PROS1: variants seen among roughly 807,000 people sequenced by gnomAD.
PROS1 encodes the protein protein S.
A neutral mutation model predicts 75.9 loss-of-function variants in PROS1; 29 were observed. That is an observed-to-expected ratio of 0.38 (90% CI 0.28 to 0.52). PROS1 has a LOEUF of 0.52. Among genes scored for constraint, PROS1 ranks in the 20% least tolerant of loss-of-function variants. PROS1 has a pLI of 0.83. For synonymous variants in PROS1, 245 were observed against 280.6 expected, an observed-to-expected ratio of 0.87 and a Z score of 1.27; for missense variants, 680 against 810.3, an observed-to-expected ratio of 0.84 and a Z score of 1.95.
At position 93,973,822 on chromosome 3, in the gene PROS1, A is replaced by C. The variant is rs1167931435; in HGVS notation, c.-73T>G. On this transcript the variant is annotated 5_prime_UTR_variant, in exon 1 of 15. Coordinates refer to ENST00000394236, the MANE Select transcript of PROS1 (RefSeq NM_000313.4). ...GGGACCGGAGCGCTAGGCGCCGCGG[A>C]GCTGCGAGCCTGTGCGCCTCGGTCT... 8 of 1,349,240 alleles carry C rather than the reference A, an allele frequency of 5.9e-6. No individual in the cohort carries two copies. The highest frequency in any genetic ancestry group is 8.1e-6 in the Non-Finnish European group (8 of 983,106). 83.6% of individuals were successfully genotyped at this position (1,349,240 alleles called of 1,614,324 possible).
intron 1 of PROS1, among the ~76,000 whole-genome samples, chr3:93,933,505 G>A (rs1440956402): frequency 6.6e-6 from 1 of 151,786 alleles, no homozygotes; most frequent in Non-Finnish European, 1.5e-5. Context: ...AGCCCAGAAG[G>A]TTGAGGTACA....
At chr3:93,965,318 C>T (rs1402388031) in intron 1 of PROS1, among the ~76,000 whole-genome samples, 1 of 152,232 alleles carries the variant, frequency 6.6e-6, no homozygotes, top group African/African-American at 2.4e-5. Context: ...TGCTGACTCC[C>T]ATCCCTCCGG....
At chr3:93,944,352 T>C (rs1709344301) in intron 1 of PROS1, among the ~76,000 whole-genome samples, 1 of 151,784 alleles carries the variant, frequency 6.6e-6, no homozygotes, top group Non-Finnish European at 1.5e-5. Context: ...TTGAGAAAAA[T>C]CAACAAAATA....
At chr3:93,946,453 C>G (rs1248902933) in intron 1 of PROS1, among the ~76,000 whole-genome samples, 2 of 152,150 alleles carry the variant, frequency 1.3e-5, no homozygotes, top group Non-Finnish European at 2.9e-5. Context: ...GGTACCAAAA[C>G]AGAGATATAG....
At chr3:93,893,149 T>C (rs2107150383) in intron 9 of PROS1, 27 bp from the exon 10 acceptor site, 1 of 1,577,702 alleles carries the variant, frequency 6.3e-7, no homozygotes, top group African/African-American at 1.3e-5. Context: ...GAGAGATCCT[T>C]AAGAGTAAGA....
chr3:93,876,437 A>G (rs1343779604), intron 14 of PROS1, among the ~76,000 whole-genome samples: 1 of 151,818 alleles, frequency 6.6e-6, no homozygotes, highest in Non-Finnish European at 1.5e-5. Context: ...AAATACAAAA[A>G]GATTAGCCGG....
chr3:93,942,784 C>A (rs184699119), intron 1 of PROS1, among the ~76,000 whole-genome samples: 1 of 152,324 alleles, frequency 6.6e-6, no homozygotes, highest in Non-Finnish European at 1.5e-5. Context: ...GGAAATCTAT[C>A]CTCAAGGAAA....
chr3:93,964,169 T>A (rs1185069241), intron 1 of PROS1, among the ~76,000 whole-genome samples: 2 of 152,182 alleles, frequency 1.3e-5, no homozygotes, highest in Non-Finnish European at 2.9e-5. Context: ...TTGAACAATA[T>A]GAAATCAGTG....
At chr3:93,916,673 C>T (rs532867652) in intron 3 of PROS1, among the ~76,000 whole-genome samples, 39 of 152,130 alleles carry the variant, frequency 2.6e-4, no homozygotes, top group Admixed American at 2.2e-3. Context: ...TAAACTGATG[C>T]GGAAGCTCCC....
At chr3:93,972,309 C>T (rs1709892286) in intron 1 of PROS1, among the ~76,000 whole-genome samples, 3 of 152,178 alleles carry the variant, frequency 2.0e-5, no homozygotes, top group African/African-American at 7.2e-5. Context: ...GCAATTGTAG[C>T]TGTTTAATGT....
rs527577389 is a variant in PROS1 at position 93,935,400 on chromosome 3, C to T, written c.77-7993G>A. ...CATCATGCACCAAGAAGTTACTGCACAGAAAATGTTTTGTTTTTGTTCTAT... is the reference window on the plus strand; with the variant it reads ...CATCATGCACCAAGAAGTTACTGCATAGAAAATGTTTTGTTTTTGTTCTAT... On this transcript the variant is annotated intron_variant, in intron 1 of 14. Transcript: ENST00000394236. Among the ~76,000 whole-genome samples, 5 of 152,244 alleles carry T rather than the reference C, an allele frequency of 3.3e-5. No individual in the cohort carries two copies. The South Asian group carries it at 6.2e-4, about 19-fold the overall frequency.
intron 6 of PROS1, among the ~76,000 whole-genome samples, chr3:93,904,076 T>G (rs1234372992): frequency 6.6e-6 from 1 of 151,390 alleles, no homozygotes; most frequent in Admixed American, 6.6e-5. Flanking sequence ...TTTGGTTTTT[T>G]GTTCTTGCGA....
At chr3:93,893,194 T>A in intron 9 of PROS1, 72 bp from the exon 10 acceptor site, 1 of 1,341,860 alleles carries the variant, frequency 7.5e-7, no homozygotes, top group South Asian at 1.2e-5. Context: ...TCTTTTTTTC[T>A]TGTACTGACA....
intron 1 of PROS1, among the ~76,000 whole-genome samples, chr3:93,941,769 G>A (rs184072180): frequency 8.5e-5 from 13 of 152,270 alleles, no homozygotes; most frequent in East Asian, 1.9e-4. Flanking sequence ...TCATGCCTCC[G>A]TGCGGCAGCT....
chr3:93,900,918 A>G lies in PROS1; in HGVS notation c.613T>C (p.Cys205Arg), dbSNP rs755841990. The G allele has an allele frequency of 1.2e-6, 2 of 1,613,944 alleles. No individual in the cohort carries two copies. The highest frequency in any genetic ancestry group is 1.1e-5 in the South Asian group (1 of 91,084). The part of the protein sequence containing the change: ...NKKDCKDVDE[C>R]SLKPSICGTA... ...CCACAAATGCTTGGCTTCAAAGAGC[A>G]TTCATCCACATCTATAAATAAAATC... The change falls in exon 7 of 15, where the codon TGC (cysteine) becomes CGC (arginine). Residue 205 changes from cysteine to arginine, a missense_variant. Physicochemically the swap from Cys to Arg is radical, Grantham distance 180. Transcript: ENST00000394236.
At chr3:93,949,877 G>A (rs558747870) in intron 1 of PROS1, among the ~76,000 whole-genome samples, 1 of 152,184 alleles carries the variant, frequency 6.6e-6, no homozygotes, top group Admixed American at 6.5e-5. Flanking sequence ...GCCAAAGCAG[G>A]GGGGGCATTG....
intron 1 of PROS1, among the ~76,000 whole-genome samples, chr3:93,954,640 C>G (rs968631485): frequency 1.3e-5 from 2 of 152,128 alleles, no homozygotes; most frequent in African/African-American, 4.8e-5. Flanking sequence ...ATAACCTAGG[C>G]AATAGCATTC....
At chr3:93,925,696 C>T (rs1215511340) in intron 2 of PROS1, among the ~76,000 whole-genome samples, 5 of 151,560 alleles carry the variant, frequency 3.3e-5, no homozygotes, top group South Asian at 2.1e-4. Flanking sequence ...TGGGGCTGCA[C>T]ACCTGTAGTC....
intron 1 of PROS1, among the ~76,000 whole-genome samples, chr3:93,958,317 A>G (rs576367757): frequency 1.1e-3 from 160 of 152,112 alleles, no homozygotes; most frequent in African/African-American, 3.8e-3. Context: ...TGTTAATCTC[A>G]ATCAAAGCTT....
Sources: gnomAD v4.1 joint callset for allele counts (sites outside exome capture counted in the v4.1 genomes callset) on GRCh38, gnomAD v4.1.1 for gene constraint, MANE v1.5 for transcripts, NCBI Gene and HGNC (gene_info 2026-07-23, HGNC 2026-07-21) for gene names.